The following UBAP2 variants were observed in gnomAD, a reference collection of about 807,000 sequenced individuals.
The protein encoded by UBAP2 is ubiquitin associated protein 2.
Under a neutral mutation model 139.6 loss-of-function variants are expected in UBAP2, and 75 were observed. That is an observed-to-expected ratio of 0.54 (90% confidence interval 0.45 to 0.65). The LOEUF (loss-of-function observed/expected upper bound fraction) is 0.65. UBAP2 is among the 30% of genes least tolerant of loss of function. The pLI is 0.00. For synonymous variants in UBAP2, 526 were observed against 526.2 expected, an observed-to-expected ratio of 1.00 and a Z score of 0.01; for missense variants, 1,368 against 1,369.6, an observed-to-expected ratio of 1.00 and a Z score of 0.02.
At chr9:33,965,815 G>A (rs1347855707) in intron 8 of UBAP2, among the ~76,000 whole-genome samples, 2 of 150,352 alleles carry the variant, frequency 1.3e-5, no homozygotes, top group South Asian at 2.1e-4. Flanking sequence ...CTGAGAGGCC[G>A]AGGCGGGTAG....
rs1292379136 is a variant in UBAP2, at chr9:33,922,448, T to G, written c.*56A>C. 1.0e-5 allele frequency: 16 copies of G among 1,547,946 alleles called. No individual in the cohort carries two copies. Among genetic ancestry groups the G allele is most frequent in the Non-Finnish European group, 1.4e-5 (16 of 1,131,622 alleles). Reference sequence around the variant, plus strand: ...CACTGGGCTCCCAAATACGTGCTCGTGTGTTCTCTCCTGCCCAGGATAAGC... The same window carrying G: ...CACTGGGCTCCCAAATACGTGCTCGGGTGTTCTCTCCTGCCCAGGATAAGC... On this transcript the variant is annotated 3_prime_UTR_variant, in exon 29 of 29. Transcript: ENST00000379238.
Position 33,986,835 on chromosome 9 carries a change from T to C in UBAP2, c.445A>G (p.Arg149Gly). The C allele has an allele frequency of 6.2e-7, 1 of 1,613,838 alleles. No individual in the cohort carries two copies. Among genetic ancestry groups the C allele is most frequent in the South Asian group, 1.1e-5 (1 of 91,082 alleles). The stretch of plus-strand genomic sequence containing the variant: ...CAATCAATTCCATTTTCTTCACCTC[T>C]AACTAGGGGGAAAAGAGCAGAAAAA... ...GRGGNRGREFRGEENGIDCNQ... is the reference protein window; with the variant it reads ...GRGGNRGREFGGEENGIDCNQ... Residue 149 changes from arginine to glycine, a missense_variant and splice_region_variant, in exon 6 of 29, where the codon AGA (arginine) becomes GGA (glycine). Physicochemically the swap from Arg to Gly is moderately radical, Grantham distance 125. Coordinates refer to ENST00000379238, the MANE Select transcript of UBAP2 (RefSeq NM_001370062.2).
chr9:34,036,982 ATTTTTT>A (rs141751803), intron 1 of UBAP2, among the ~76,000 whole-genome samples: 2 of 57,434 alleles, frequency 3.5e-5, no homozygotes, highest in Non-Finnish European at 3.1e-5. Context: ...ACACCCAGCT[ATTTTTT>A]TTTTTTTTTT....
intron 15 of UBAP2, 28 bp from the exon 16 acceptor site, chr9:33,941,890 A>G: frequency 6.4e-7 from 1 of 1,561,828 alleles, no homozygotes; most frequent in Non-Finnish European, 8.8e-7. Flanking sequence ...TATTCAACAT[A>G]ATTTTGTTAC....
rs200871930 is a variant in UBAP2, at chr9:33,939,947, G to C, written c.1929+1702C>G. On this transcript the variant is annotated intron_variant, in intron 16 of 28. Transcript: ENST00000379238. Reference sequence around the variant, plus strand: ...AGAGGAGAAGGAAGAAGAAGAAAGAGGGAAGGAAGGAAGAAGAAGAAAAAA... The same window carrying C: ...AGAGGAGAAGGAAGAAGAAGAAAGACGGAAGGAAGGAAGAAGAAGAAAAAA... 5.1e-5 allele frequency among the ~76,000 whole-genome samples: 6 copies of C among 118,508 alleles called. 1 individual carries two copies. The highest frequency in any genetic ancestry group is 4.3e-4 in the Admixed American group (5 of 11,558). The allele number at this position is 118,508 out of a possible 152,430, so 77.7% of individuals were successfully genotyped here. A position where few individuals can be genotyped will look rare whatever the true frequency, so the allele number is the denominator to read the frequency against.
intron 6 of UBAP2, among the ~76,000 whole-genome samples, chr9:33,979,370 T>C: frequency 6.6e-6 from 1 of 152,128 alleles, no homozygotes; most frequent in Non-Finnish European, 1.5e-5. Flanking sequence ...GTAATTTAAA[T>C]ACACATTTAA....
At chr9:33,977,659 G>T (rs996453246) in intron 6 of UBAP2, among the ~76,000 whole-genome samples, 4 of 151,282 alleles carry the variant, frequency 2.6e-5, no homozygotes, top group African/African-American at 9.7e-5. Flanking sequence ...TTGAATGATT[G>T]TTCAAGGTTT....
intron 22 of UBAP2, among the ~76,000 whole-genome samples, chr9:33,924,563 G>A (rs1438439806): frequency 4.6e-5 from 7 of 152,254 alleles, no homozygotes; most frequent in Non-Finnish European, 1.0e-4. Flanking sequence ...ACCACAGGCA[G>A]GTGCTTGTGT....
At chr9:33,959,265 A>G (rs1436864450) in intron 10 of UBAP2, among the ~76,000 whole-genome samples, 1 of 152,244 alleles carries the variant, frequency 6.6e-6, no homozygotes, top group African/African-American at 2.4e-5. Flanking sequence ...GTGAAGGAGT[A>G]GTAAGACCCA....
intron 1 of UBAP2, 37 bp downstream of exon 1, chr9:34,048,788 C>G (rs1320281528): frequency 6.6e-6 from 1 of 152,260 alleles, no homozygotes; most frequent in Admixed American, 6.5e-5. Flanking sequence ...GCTCAGGGCC[C>G]TGGAAGAGGG....
intron 1 of UBAP2, among the ~76,000 whole-genome samples, chr9:34,029,754 C>A (rs750780610): frequency 1.3e-5 from 2 of 151,224 alleles, no homozygotes; most frequent in African/African-American, 2.4e-5. Context: ...CTTTGGGAGG[C>A]CAAGGCAGGT....
intron 2 of UBAP2, among the ~76,000 whole-genome samples, chr9:34,008,248 G>A (rs1014774872): frequency 2.6e-5 from 4 of 151,738 alleles, no homozygotes; most frequent in African/African-American, 9.7e-5. Context: ...AACCCAAGAG[G>A]CGAAGGTTGC....
chr9:34,040,209 A>T (rs1826938955), intron 1 of UBAP2, among the ~76,000 whole-genome samples: 1 of 151,226 alleles, frequency 6.6e-6, no homozygotes, highest in Non-Finnish European at 1.5e-5. Flanking sequence ...CTGTAGTCCC[A>T]GCTACTAGGG....
intron 13 of UBAP2, 81 bp downstream of exon 13, chr9:33,948,293 T>G: frequency 7.9e-7 from 1 of 1,264,146 alleles, no homozygotes; most frequent in Non-Finnish European, 1.1e-6. Context: ...AAATTCCACA[T>G]TAGTCTTCAC....
intron 9 of UBAP2, among the ~76,000 whole-genome samples, chr9:33,961,469 G>A (rs1048234220): frequency 1.3e-5 from 2 of 152,066 alleles, no homozygotes; most frequent in Admixed American, 6.6e-5. Flanking sequence ...CACAGGATGC[G>A]CTCAAACAGT....
In UBAP2 at chr9:34,045,409, CT is replaced by C. The variant is rs567551955; in HGVS notation, c.-42+3415del. The stretch of plus-strand genomic sequence containing the variant: ...AATTTTTTTTTGAGACGGAGTCTTG[CT>C]CCATCCAGGCTGGATGAAGTCCAAT... On this transcript the variant is annotated intron_variant, in intron 1 of 28. Coordinates refer to ENST00000379238, the MANE Select transcript of UBAP2 (RefSeq NM_001370062.2). 7.1e-4 allele frequency among the ~76,000 whole-genome samples: 107 copies of C among 151,446 alleles called. 2 individuals are homozygous for C. The South Asian group carries it at 0.022, about 31-fold the overall frequency.
In UBAP2 at chr9:33,971,736, G is replaced by A; in HGVS notation, c.594C>T (p.Asp198=). 2 of 1,607,310 alleles carry A rather than the reference G, an allele frequency of 1.2e-6. No individual in the cohort carries two copies. Among genetic ancestry groups the A allele is most frequent in the Non-Finnish European group, 1.7e-6 (2 of 1,173,840 alleles). The change falls in exon 8 of 29, where the codon GAC becomes GAT. Residue 198 remains aspartate (D), a synonymous_variant. Transcript: ENST00000379238. Reference sequence around the variant, plus strand: ...CATCTGTAGATGTAGAATCTGAATAGTCTGCAGGATTAAATGTCCTGGGGT... The same window carrying A: ...CATCTGTAGATGTAGAATCTGAATAATCTGCAGGATTAAATGTCCTGGGGT... The part of the protein sequence containing the change: ...TQGMGTFNPA[D]YSDSTSTDVC...
At chr9:33,993,584 T>C (rs1373228908) in intron 4 of UBAP2, among the ~76,000 whole-genome samples, 1 of 152,190 alleles carries the variant, frequency 6.6e-6, no homozygotes, top group Admixed American at 6.5e-5. Context: ...GAGGATGGCA[T>C]AAGCCCGGGA....
At chr9:33,996,143 C>G in intron 4 of UBAP2, 80 bp downstream of exon 4, 1 of 1,071,404 alleles carries the variant, frequency 9.3e-7, no homozygotes. Context: ...CCATCCCTAC[C>G]CCCAAACAAG....
Sources: gnomAD v4.1 joint callset for allele counts (sites outside exome capture counted in the v4.1 genomes callset) on GRCh38, gnomAD v4.1.1 for gene constraint, MANE v1.5 for transcripts, NCBI Gene and HGNC (gene_info 2026-07-23, HGNC 2026-07-21) for gene names.